The following PDE1C variants were observed in gnomAD, a reference collection of about 807,000 sequenced individuals.
PDE1C encodes dual specificity calcium/calmodulin-dependent 3',5'-cyclic nucleotide phosphodiesterase 1C.
Under a neutral mutation model 93.1 loss-of-function variants are expected in PDE1C, and 62 were observed. That is an observed-to-expected ratio of 0.67 (90% CI 0.54 to 0.82). The LOEUF is 0.82. Among genes scored for constraint, PDE1C ranks in the 40% least tolerant of loss-of-function variants. The pLI, the probability that PDE1C is intolerant of heterozygous loss-of-function variation, is 0.00. For synonymous variants in PDE1C, 325 were observed against 310.1 expected (o/e 1.05, Z -0.50); for missense variants, 742 against 884.6 (o/e 0.84, Z 2.04).
At chr7:32,298,818 C>T in exon 1 of PDE1C, 1 of 1,486,976 alleles carries the variant, frequency 6.7e-7, no homozygotes. Flanking sequence ...CAGCCCGGGG[C>T]TCGGCGGCGA....
At chr7:32,173,028 T>C (rs1802755739) in intron 2 of PDE1C, among the ~76,000 whole-genome samples, 2 of 152,094 alleles carry the variant, frequency 1.3e-5, no homozygotes, top group Non-Finnish European at 1.5e-5. Context: ...CAAAGGAATA[T>C]AAATCATTCT....
chr7:32,245,952 ATTTTC>A (rs1351178628), intron 1 of PDE1C, among the ~76,000 whole-genome samples: 1 of 145,576 alleles, frequency 6.9e-6, no homozygotes, highest in African/African-American at 2.5e-5. Context: ...CAATAAGTGA[ATTTTC>A]TTTTTCTTTT....
At chr7:32,419,823 G>GCA (rs1785355346) in intron 1 of PDE1C, among the ~76,000 whole-genome samples, 1 of 151,564 alleles carries the variant, frequency 6.6e-6, no homozygotes, top group South Asian at 2.1e-4. Flanking sequence ...GATGTAAGAT[G>GCA]CACACACAGA....
At chr7:31,886,870 G>GAATAGATCTATTCAGAATA (rs1583793506) in intron 2 of PDE1C, among the ~76,000 whole-genome samples, 1 of 119,152 alleles carries the variant, frequency 8.4e-6, no homozygotes, top group African/African-American at 4.2e-5. Flanking sequence ...AGATCTATTC[G>GAATAGATCTATTCAGAATA]GATCTATTCA....
At chr7:31,838,001 ATGG>A (rs1222218736) in intron 9 of PDE1C, 30 bp from the exon 10 acceptor site, 1 of 1,415,562 alleles carries the variant, frequency 7.1e-7, no homozygotes, top group Non-Finnish European at 9.9e-7. Flanking sequence ...AGAAAAAAGG[ATGG>A]AAGTCAAAAA....
the PDE1C span, among the ~76,000 whole-genome samples, chr7:31,709,600 C>T: frequency 1.3e-5 from 2 of 152,050 alleles, no homozygotes; most frequent in African/African-American, 2.4e-5. Context: ...AACTGAAAGA[C>T]CGGACTTTGT....
At chr7:32,300,755 C>A (rs1812863649), upstream of PDE1C, among the ~76,000 whole-genome samples, 1 of 152,030 alleles carries the variant, frequency 6.6e-6, no homozygotes, top group South Asian at 2.1e-4. Flanking sequence ...TTGTTGCCAC[C>A]ATTAATTTTA....
chr7:31,651,172 A>G, the PDE1C span: 3 of 1,613,534 alleles, frequency 1.9e-6, no homozygotes, highest in Non-Finnish European at 2.5e-6. Flanking sequence ...AGCCATGAAG[A>G]CGATATGCCA....
At chr7:31,879,284 G>T in intron 3 of PDE1C, 106 bp from the exon 4 acceptor site, 1 of 1,116,480 alleles carries the variant, frequency 9.0e-7, no homozygotes, top group Non-Finnish European at 1.3e-6. Flanking sequence ...TAGGTGCAAA[G>T]AAACCAAATT....
the PDE1C span, among the ~76,000 whole-genome samples, chr7:31,694,861 A>T: frequency 6.6e-6 from 1 of 152,170 alleles, no homozygotes. Context: ...GAGGATTGAG[A>T]AAAGTAAATA....
chr7:32,133,079 A>T lies in PDE1C; in HGVS notation c.308+36706T>A, dbSNP rs569304683. The stretch of plus-strand genomic sequence containing the variant: ...TAGGCATGCATTAGAAGTATTAAAT[A>T]AAAAAGTTGAATATTTGAGTCCAGA... On this transcript the variant is annotated intron_variant, in intron 3 of 18. Coordinates refer to the PDE1C transcript ENST00000396193. 6.6e-5 allele frequency among the ~76,000 whole-genome samples: 10 copies of T among 152,312 alleles called. No homozygotes were observed. In the East Asian group the frequency reaches 1.9e-3, roughly 29 times the overall value.
chr7:32,336,460 C>T (rs1783628298), intron 1 of PDE1C, among the ~76,000 whole-genome samples: 1 of 152,080 alleles, frequency 6.6e-6, no homozygotes, highest in African/African-American at 2.4e-5. Context: ...AAATGACAGG[C>T]TGAAACTAGT....
chr7:32,335,006 T>G (rs1306115346), intron 1 of PDE1C, among the ~76,000 whole-genome samples: 1 of 152,222 alleles, frequency 6.6e-6, no homozygotes, highest in Non-Finnish European at 1.5e-5. Context: ...TGTAAAATCT[T>G]TCTTCTCCTA....
At chr7:31,821,907 T>C (rs1554349567) in intron 14 of PDE1C, among the ~76,000 whole-genome samples, 1 of 151,896 alleles carries the variant, frequency 6.6e-6, no homozygotes, top group Non-Finnish European at 1.5e-5. Context: ...TTACCCACCG[T>C]CCCCACCCTT....
At chr7:32,010,468 T>C (rs927507753) in intron 2 of PDE1C, among the ~76,000 whole-genome samples, 3 of 152,216 alleles carry the variant, frequency 2.0e-5, no homozygotes, top group Non-Finnish European at 2.9e-5. Context: ...TTTCAAACCA[T>C]ACTTGCCACC....
At chr7:32,107,675 G>A (rs1266340704) in intron 3 of PDE1C, among the ~76,000 whole-genome samples, 1 of 151,858 alleles carries the variant, frequency 6.6e-6, no homozygotes, top group African/African-American at 2.4e-5. Flanking sequence ...CAGAAAGAAA[G>A]AAAATTATGC....
intron 9 of PDE1C, among the ~76,000 whole-genome samples, chr7:31,847,636 G>C (rs1792799855): frequency 6.6e-6 from 1 of 151,896 alleles, no homozygotes; most frequent in South Asian, 2.1e-4. Context: ...AGAATTTTTA[G>C]GACAATATTG....
intron 5 of PDE1C, among the ~76,000 whole-genome samples, chr7:31,876,318 C>G (rs547523764): frequency 5.9e-5 from 9 of 152,248 alleles, no homozygotes; most frequent in Admixed American, 3.3e-4. Flanking sequence ...GTAGGTCTTC[C>G]TTATCTGAAT....
intron 2 of PDE1C, among the ~76,000 whole-genome samples, chr7:32,178,367 G>A (rs1400985212): frequency 3.3e-5 from 5 of 152,160 alleles, no homozygotes; most frequent in African/African-American, 4.8e-5. Context: ...ACAAATGTGG[G>A]CAGAAGACTC....
Sources: allele counts gnomAD v4.1 joint callset (sites outside exome capture counted in the v4.1 genomes callset), GRCh38; gene constraint gnomAD v4.1.1; transcripts MANE v1.5; gene names NCBI Gene and HGNC (gene_info 2026-07-23, HGNC 2026-07-21).